Variants in BRAT1 observed in about 807,000 individuals in gnomAD.
The protein encoded by BRAT1 is integrator complex assembly factor BRAT1.
A neutral mutation model predicts 70.6 loss-of-function variants in BRAT1; 74 were observed. The ratio of observed to expected loss-of-function variants is 1.05; its 90% CI spans 0.87 to 1.27. BRAT1 has a LOEUF of 1.27. BRAT1 is among the 50% of genes most tolerant of loss of function. The probability of loss-of-function intolerance (pLI) is 0.00; values close to 1 mark genes in which losing one functional copy is unlikely to be tolerated. For missense variants in BRAT1, 1,203 were observed against 1,098.2 expected, an observed-to-expected ratio of 1.10 and a Z score of -1.35; for synonymous variants, 615 against 517.1, an observed-to-expected ratio of 1.19 and a Z score of -2.57.
intron 2 of BRAT1, among the ~76,000 whole-genome samples, chr7:2,548,909 G>A (rs551317599): frequency 6.6e-6 from 1 of 151,334 alleles, no homozygotes; most frequent in Admixed American, 6.6e-5. Flanking sequence ...AGGTTGCGGT[G>A]AGCCGAGATC....
chr7:2,547,530 C>T, intron 2 of BRAT1, 52 bp from the exon 3 acceptor site: 1 of 1,583,014 alleles, frequency 6.3e-7, no homozygotes. Context: ...ACCAGGTGTC[C>T]CCCTGGATGA....
intron 2 of BRAT1, among the ~76,000 whole-genome samples, chr7:2,549,853 A>G (rs1779870864): frequency 6.6e-6 from 1 of 152,242 alleles, no homozygotes; most frequent in Non-Finnish European, 1.5e-5. Context: ...GCTGTAAAGC[A>G]AAAAGCAGTA....
chr7:2,544,812 TCGCACAGACCAGACA>T, intron 4 of BRAT1, 82 bp downstream of exon 4: 1 of 1,481,912 alleles, frequency 6.7e-7, no homozygotes, highest in Non-Finnish European at 9.0e-7. Flanking sequence ...CCCTGAGACA[TCGCACAGACCAGACA>T]CTCAGATTCA....
At chr7:2,550,482 A>AAAAAAAAAAAAAAC (rs1779925798) in intron 2 of BRAT1, among the ~76,000 whole-genome samples, 3 of 89,616 alleles carry the variant, frequency 3.3e-5, no homozygotes, top group Non-Finnish European at 5.6e-5. Flanking sequence ...AAAAAAAAAC[A>AAAAAAAAAAAAAAC]AAAAAAAAAA....
chr7:2,538,920 G>T, intron 13 of BRAT1, 156 bp from the exon 14 acceptor site: 1 of 1,461,446 alleles, frequency 6.8e-7, no homozygotes, highest in East Asian at 2.5e-5. Flanking sequence ...TGAGCACACG[G>T]CCCTCCAATC....
At position 2,547,615 on chromosome 7, in the gene BRAT1, T is replaced by A. The variant is rs948896446; in HGVS notation, c.128-137A>T. ...TTTAGGGATCCAACTGGGAAAAAAA[T>A]ATCTGCAACAAATACGGCAAATGAC... On this transcript the variant is annotated intron_variant, in intron 2 of 13. Coordinates refer to ENST00000340611, the MANE Select transcript of BRAT1 (RefSeq NM_152743.4). 1.4e-5 allele frequency: 12 copies of A among 877,906 alleles called. No individual in the cohort carries two copies. In the Admixed American group the frequency reaches 2.6e-4, roughly 19 times the overall value. 54.4% of individuals were successfully genotyped at this position (877,906 alleles called of 1,614,324 possible).
chr7:2,542,146 G>T lies in BRAT1; in HGVS notation c.989C>A (p.Ala330Asp), dbSNP rs1268761002. 1.3e-6 allele frequency: 2 copies of T among 1,567,466 alleles called. No individual in the cohort carries two copies. The highest frequency in any genetic ancestry group is 3.8e-5 in the Admixed American group (2 of 52,882). ...TGGGGGTCCGGGGGCCTGAACCGTG[G>T]CCTTCAGGACACAGGCCAGGGGCTG... is the stretch of plus-strand genomic sequence containing the variant. ...LLQPLACVLKATVQAPGPPGL... is the reference protein window; with the variant it reads ...LLQPLACVLKDTVQAPGPPGL... Residue 330 changes from alanine (A) to aspartate (D), a missense_variant, in exon 7 of 14, where the codon GCC becomes GAC. By Grantham distance (126) the Ala-to-Asp change is moderately radical (BLOSUM62 -2). Coordinates refer to ENST00000340611, the MANE Select transcript of BRAT1 (RefSeq NM_152743.4).
rs759592506 is a variant in BRAT1 at position 2,538,165 on chromosome 7, C to A, written c.2370G>T (p.Glu790Asp). ...GACTCTTTTCCACGTGGTCGCTGCT[C>A]TCGGCCAGCGTGCTCCGCAGGCCCT... is the stretch of plus-strand genomic sequence containing the variant. Reference protein sequence around the residue: ...DLEGLRSTLAESSDHVEKSPQ... With the variant: ...DLEGLRSTLADSSDHVEKSPQ... Residue 790 changes from glutamate (E) to aspartate (D), a missense_variant, in exon 14 of 14, where the codon GAG becomes GAT. Glu to Asp is a conservative substitution (Grantham distance 45, BLOSUM62 2). Coordinates refer to ENST00000340611, the MANE Select transcript of BRAT1 (RefSeq NM_152743.4). 6.2e-7 allele frequency: 1 copy of A among 1,609,060 alleles called. No homozygotes were observed. Among genetic ancestry groups the A allele is most frequent in the Admixed American group, 1.7e-5 (1 of 59,942 alleles).
chr7:2,554,047 C>A (rs1780230312), intron 2 of BRAT1, among the ~76,000 whole-genome samples: 1 of 152,196 alleles, frequency 6.6e-6, no homozygotes, highest in Admixed American at 6.5e-5. Context: ...TTCTGTAGAA[C>A]TGAACCTTGG....
chr7:2,552,588 A>C (rs1194242288), intron 2 of BRAT1, among the ~76,000 whole-genome samples: 1 of 152,028 alleles, frequency 6.6e-6, no homozygotes, highest in Non-Finnish European at 1.5e-5. Flanking sequence ...ATAATTTAAA[A>C]ATAAAAAGAA....
rs1468436341 is a variant in BRAT1 at position 2,541,498 on chromosome 7, G to A, written c.1135-14C>T. 5 of 1,522,124 alleles carry A rather than the reference G, an allele frequency of 3.3e-6. No homozygotes were observed. Among genetic ancestry groups the A allele is most frequent in the South Asian group, 1.2e-5 (1 of 81,852 alleles). 94.3% of individuals were successfully genotyped at this position (1,522,124 alleles called of 1,614,324 possible). A position where few individuals can be genotyped will look rare whatever the true frequency, so the allele number is the denominator to read the frequency against. On this transcript the variant is annotated splice_polypyrimidine_tract_variant and intron_variant, in intron 8 of 13. Transcript: ENST00000340611. ...AGGGCGCTGGGGCTGCGAGGAAGAG[G>A]GCCGTCAGCCAAGGTTGCGGTCCCA...
chr7:2,539,399 T>C (rs1778966417), intron 12 of BRAT1, 48 bp from the exon 13 acceptor site: 1 of 1,563,324 alleles, frequency 6.4e-7, no homozygotes, highest in Non-Finnish European at 8.7e-7. Flanking sequence ...GGCCGAGCCT[T>C]GTCGCCTCGG....
intron 13 of BRAT1, 127 bp from the exon 14 acceptor site, chr7:2,538,891 A>T (rs1778914380): frequency 1.3e-6 from 2 of 1,492,504 alleles, no homozygotes; most frequent in African/African-American, 2.8e-5. Context: ...CCGCTCTGAC[A>T]CCTTCCCATG....
Position 2,546,471 on chromosome 7 carries a change from C to T in BRAT1, c.282+853G>A, listed in dbSNP as rs143550225. Among the ~76,000 whole-genome samples the T allele has an allele frequency of 4.5e-3, 672 of 150,268 alleles. 5 individuals carry two copies. The highest frequency in any genetic ancestry group is 0.016 in the African/African-American group (640 of 40,794). On this transcript the variant is annotated intron_variant, in intron 3 of 13. Transcript: ENST00000340611. ...AAAAAAGGCCGGGTATGGTGGCTCA[C>T]GCCTGTAATCCTAGCATTTTGGGAG...
chr7:2,546,888 G>A (rs1340229707), intron 3 of BRAT1, among the ~76,000 whole-genome samples: 9 of 151,972 alleles, frequency 5.9e-5, no homozygotes, highest in South Asian at 4.2e-4. Flanking sequence ...TGGTCCTCAC[G>A]ACAACCCCAC....
rs1277645431 is a variant in BRAT1 at position 2,554,440 on chromosome 7, CGCAGGCCCT to C, written c.-16-2_-10del. 1.9e-6 allele frequency: 3 copies of C among 1,611,744 alleles called. No individual in the cohort carries two copies. The Admixed American group carries it at 5.0e-5, about 27-fold the overall frequency. ...GCGCATTCTGGGTCCATGGTGAGGC[CGCAGGCCCT>C]GCAAAGGCAATGTGAGAGCCAAACC... On this transcript the variant is annotated splice_acceptor_variant and 5_prime_UTR_variant, in exon 2 of 14. Transcript: ENST00000340611. LOFTEE classifies it low-confidence loss of function (5UTR_SPLICE).
At chr7:2,554,565 A>C in intron 1 of BRAT1, 118 bp from the exon 2 acceptor site, 124 of 1,203,818 alleles carry the variant, frequency 1.0e-4, no homozygotes, top group Non-Finnish European at 1.2e-4. Flanking sequence ...CTTTCATCTC[A>C]GACCAGGAGA....
At chr7:2,551,637 G>A (rs1780013153) in intron 2 of BRAT1, among the ~76,000 whole-genome samples, 2 of 149,590 alleles carry the variant, frequency 1.3e-5, no homozygotes, top group African/African-American at 2.5e-5. Flanking sequence ...CCGTGTTCAC[G>A]CCATTGCACT....
At position 2,539,947 on chromosome 7, in the gene BRAT1, T is replaced by C. The variant is rs546991713; in HGVS notation, c.1396-59A>G. On this transcript the variant is annotated intron_variant, in intron 10 of 13. Transcript: ENST00000340611. ...GAGACGGAGGGGCAGGCTGTCTGTC[T>C]GTCCCCCTCGCCTTCACCTGTGCTG... 2.1e-5 allele frequency: 27 copies of C among 1,281,040 alleles called. No individual in the cohort carries two copies. In the South Asian group the frequency reaches 3.8e-4, roughly 18 times the overall value. 79.4% of individuals were successfully genotyped at this position (1,281,040 alleles called of 1,614,324 possible). A position where few individuals can be genotyped will look rare whatever the true frequency, so the allele number is the denominator to read the frequency against.
Sources: gnomAD v4.1 joint callset for allele counts (sites outside exome capture counted in the v4.1 genomes callset) on GRCh38, gnomAD v4.1.1 for gene constraint, MANE v1.5 for transcripts, NCBI Gene and HGNC (gene_info 2026-07-23, HGNC 2026-07-21) for gene names.